DOCK8: variants seen among roughly 807,000 people sequenced by gnomAD.
DOCK8 encodes dedicator of cytokinesis 8.
DOCK8 carries 141 observed loss-of-function variants against 245.6 expected under a neutral mutation model. The ratio of observed to expected loss-of-function variants is 0.57; its 90% CI spans 0.50 to 0.66. DOCK8 has a LOEUF of 0.66. Among genes scored for constraint, DOCK8 ranks in the 30% least tolerant of loss-of-function variants. The pLI, the probability that DOCK8 is intolerant of heterozygous loss-of-function variation, is 0.00. For synonymous variants in DOCK8, 1,168 were observed against 970.2 expected, an observed-to-expected ratio of 1.20 and a Z score of -3.79; for missense variants, 2,965 against 2,603.4, an observed-to-expected ratio of 1.14 and a Z score of -3.02.
chr9:247,597 GA>G (rs2131444221), intron 1 of DOCK8, among the ~76,000 whole-genome samples: 1 of 152,218 alleles, frequency 6.6e-6, no homozygotes, highest in South Asian at 2.1e-4. Flanking sequence ...GCAGTGACGT[GA>G]TCTCGGCTCA....
At chr9:379,008 G>A (rs2053629742) in intron 20 of DOCK8, among the ~76,000 whole-genome samples, 1 of 152,136 alleles carries the variant, frequency 6.6e-6, no homozygotes, top group South Asian at 2.1e-4. Context: ...AGATTCACAG[G>A]GTCGGTATGA....
chr9:383,260 C>G (rs971986011), intron 22 of DOCK8, among the ~76,000 whole-genome samples: 4 of 151,954 alleles, frequency 2.6e-5, no homozygotes, highest in African/African-American at 9.7e-5. Flanking sequence ...ATTGGCCAAG[C>G]ACGGTGGCTC....
intron 17 of DOCK8, 111 bp from the exon 18 acceptor site, chr9:372,074 G>A (rs764696859): frequency 2.1e-6 from 2 of 932,796 alleles, no homozygotes; most frequent in Admixed American, 2.0e-5. Flanking sequence ...AAAGAGTACT[G>A]GTCAATATCT....
intron 11 of DOCK8, among the ~76,000 whole-genome samples, chr9:335,437 C>T (rs2051262942): frequency 6.6e-6 from 1 of 152,150 alleles, no homozygotes; most frequent in Non-Finnish European, 1.5e-5. Flanking sequence ...GAAATACTAC[C>T]TTGAGCAGGG....
In DOCK8 at chr9:400,199, T is replaced by C. The variant is rs374717738; in HGVS notation, c.3234+940T>C. Among the ~76,000 whole-genome samples, 110 of 34,592 alleles carry C rather than the reference T, an allele frequency of 3.2e-3. 3 individuals carry two copies. The highest frequency in any genetic ancestry group is 3.9e-3 in the Non-Finnish European group (65 of 16,548). The allele number at this position is 34,592 out of a possible 152,430, so 22.7% of individuals were successfully genotyped here. ...ATCACCACCTCCTTCACCATCACCATCACCACCACCTCCACTATCACCACC... is the reference window on the plus strand; with the variant it reads ...ATCACCACCTCCTTCACCATCACCACCACCACCACCTCCACTATCACCACC... On this transcript the variant is annotated intron_variant, in intron 26 of 47. Coordinates refer to ENST00000432829, the MANE Select transcript of DOCK8 (RefSeq NM_203447.4).
intron 1 of DOCK8, among the ~76,000 whole-genome samples, chr9:264,928 TTTTA>T (rs998956259): frequency 1.3e-5 from 2 of 152,102 alleles, no homozygotes; most frequent in Non-Finnish European, 2.9e-5. Context: ...AAACCTTGAT[TTTTA>T]TTTATTTATT....
chr9:260,117 C>A (rs1160730499), intron 1 of DOCK8, among the ~76,000 whole-genome samples: 2 of 152,196 alleles, frequency 1.3e-5, no homozygotes, highest in African/African-American at 4.8e-5. Flanking sequence ...CCTCTCAAGC[C>A]TGGCCAACTT....
intron 46 of DOCK8, among the ~76,000 whole-genome samples, chr9:455,666 T>G (rs1227896002): frequency 1.3e-5 from 2 of 152,124 alleles, no homozygotes; most frequent in Non-Finnish European, 2.9e-5. Flanking sequence ...TTTCCTCCCT[T>G]TCACATTTCT....
At chr9:355,156 G>A (rs1361392763) in intron 14 of DOCK8, among the ~76,000 whole-genome samples, 1 of 150,264 alleles carries the variant, frequency 6.7e-6, no homozygotes, top group East Asian at 2.0e-4. Context: ...CTCATGAAAA[G>A]TGTTCCCATC....
intron 4 of DOCK8, among the ~76,000 whole-genome samples, chr9:297,745 C>A (rs930766874): frequency 2.6e-5 from 4 of 152,126 alleles, no homozygotes; most frequent in African/African-American, 9.7e-5. Context: ...CCAGGTTCAC[C>A]CTTGCTGCTG....
intron 1 of DOCK8, among the ~76,000 whole-genome samples, chr9:262,054 G>A (rs1443028313): frequency 7.2e-6 from 1 of 138,464 alleles, no homozygotes; most frequent in African/African-American, 2.6e-5. Context: ...ATTTACCTAT[G>A]TTACAAACAT....
chr9:450,673 A>G (rs983653224), intron 45 of DOCK8, among the ~76,000 whole-genome samples: 1 of 152,100 alleles, frequency 6.6e-6, no homozygotes, highest in Non-Finnish European at 1.5e-5. Context: ...TGTACTTGAC[A>G]TCAAGGGAGC....
intron 7 of DOCK8, among the ~76,000 whole-genome samples, chr9:323,365 A>T (rs2050610314): frequency 6.6e-6 from 1 of 151,518 alleles, no homozygotes; most frequent in Non-Finnish European, 1.5e-5. Context: ...CTGGGATTAC[A>T]GGCACTTGCC....
At chr9:319,156 T>C (rs1211399986) in intron 7 of DOCK8, among the ~76,000 whole-genome samples, 2 of 151,896 alleles carry the variant, frequency 1.3e-5, no homozygotes, top group Non-Finnish European at 2.9e-5. Context: ...GATGTGTTAA[T>C]TTTTAGCCCT....
intron 1 of DOCK8, among the ~76,000 whole-genome samples, chr9:240,894 T>C (rs2047360387): frequency 6.6e-6 from 1 of 152,058 alleles, no homozygotes; most frequent in African/African-American, 2.4e-5. Context: ...AGGGCTGTTA[T>C]GAGAACTGAG....
chr9:305,479 G>A (rs1484976522), intron 5 of DOCK8, among the ~76,000 whole-genome samples: 2 of 152,030 alleles, frequency 1.3e-5, no homozygotes, highest in African/African-American at 4.8e-5. Context: ...TAGAGACGGG[G>A]TTTCACCGTG....
chr9:240,845 A>G (rs2047359316), intron 1 of DOCK8, among the ~76,000 whole-genome samples: 1 of 152,080 alleles, frequency 6.6e-6, no homozygotes, highest in Non-Finnish European at 1.5e-5. Context: ...ATAATGTCTC[A>G]TTTCCTTATC....
rs1487020384 is a variant in DOCK8 at position 340,250 on chromosome 9, C to G, written c.1608C>G (p.Asn536Lys). ...TGCCCGTGAAACCCTTTCCTGAAAA[C>G]CGGACACGCCCGCACAAAGAGATTT... ...EMLPVKPFPE[N>K]RTRPHKEILE... The change falls in exon 14 of 48, where the codon AAC becomes AAG. Residue 536 changes from asparagine to lysine, a missense_variant. Transcript: ENST00000432829. The G allele has an allele frequency of 6.2e-7, 1 of 1,614,132 alleles. No homozygotes were observed. Among genetic ancestry groups the G allele is most frequent in the Admixed American group, 1.7e-5 (1 of 60,010 alleles).
intron 20 of DOCK8, among the ~76,000 whole-genome samples, chr9:379,227 A>G: frequency 6.6e-6 from 1 of 152,348 alleles, no homozygotes; most frequent in South Asian, 2.1e-4. Flanking sequence ...GGTTCTATGC[A>G]GTAAATCAAA....
Sources: gnomAD v4.1 joint callset for allele counts (sites outside exome capture counted in the v4.1 genomes callset) on GRCh38, gnomAD v4.1.1 for gene constraint, MANE v1.5 for transcripts, NCBI Gene and HGNC (gene_info 2026-07-23, HGNC 2026-07-21) for gene names.